Variants in WDR49 observed in about 807,000 individuals in gnomAD.
The protein encoded by WDR49 is WD repeat domain 49.
Under a neutral mutation model 119.5 loss-of-function variants are expected in WDR49, and 107 were observed. The observed-to-expected ratio is 0.90, with a 90% CI of 0.77 to 1.05. WDR49 has a LOEUF of 1.05. Among genes scored for constraint, WDR49 ranks in the 50% least tolerant of loss-of-function variants. WDR49 has a pLI of 0.00. For missense variants in WDR49, 1,240 were observed against 1,220.5 expected (o/e 1.02, Z -0.24); for synonymous variants, 425 against 418.8 (o/e 1.01, Z -0.18).
At chr3:167,545,724 G>A (rs1712148971) in intron 10 of WDR49, among the ~76,000 whole-genome samples, 1 of 150,132 alleles carries the variant, frequency 6.7e-6, no homozygotes, top group African/African-American at 2.4e-5. Flanking sequence ...AAGGGTGGAA[G>A]GGGAGTGAGG....
At chr3:167,508,593 C>T (rs910761655) in intron 16 of WDR49, among the ~76,000 whole-genome samples, 1 of 152,140 alleles carries the variant, frequency 6.6e-6, no homozygotes, top group Non-Finnish European at 1.5e-5. Flanking sequence ...GGAGTTCTAA[C>T]ACCCCCCTAC....
At chr3:167,544,383 C>A (rs1393894062) in intron 10 of WDR49, among the ~76,000 whole-genome samples, 1 of 152,116 alleles carries the variant, frequency 6.6e-6, no homozygotes, top group Middle Eastern at 3.4e-3. Context: ...AAGAACAAAT[C>A]TGGAAGCATC....
chr3:167,595,547 C>A (rs539429370), intron 7 of WDR49, among the ~76,000 whole-genome samples: 18 of 152,102 alleles, frequency 1.2e-4, no homozygotes, highest in Non-Finnish European at 2.2e-4. Flanking sequence ...CAGAACAAAG[C>A]CCTCAGAAAT....
intron 8 of WDR49, among the ~76,000 whole-genome samples, chr3:167,561,245 C>T (rs1373500815): frequency 1.3e-5 from 2 of 152,132 alleles, no homozygotes; most frequent in Non-Finnish European, 2.9e-5. Context: ...TCTACAGCCA[C>T]TTGCATAACA....
intron 12 of WDR49, among the ~76,000 whole-genome samples, chr3:167,532,470 T>C (rs926852884): frequency 6.6e-6 from 1 of 152,156 alleles, no homozygotes; most frequent in Non-Finnish European, 1.5e-5. Flanking sequence ...CCAGGTGGCA[T>C]AATATTTATT....
At chr3:167,608,078 A>G (rs1277872273) in intron 5 of WDR49, among the ~76,000 whole-genome samples, 1 of 152,192 alleles carries the variant, frequency 6.6e-6, no homozygotes, top group Non-Finnish European at 1.5e-5. Context: ...ATAAAGTCCC[A>G]TGATTACCTG....
chr3:167,537,099 A>G (rs1711515336), intron 10 of WDR49, 99 bp from the exon 11 acceptor site: 2 of 1,239,960 alleles, frequency 1.6e-6, no homozygotes, highest in Admixed American at 3.2e-5. Context: ...GACTTTTAAA[A>G]GACTATGCTG....
intron 10 of WDR49, among the ~76,000 whole-genome samples, chr3:167,541,132 G>A (rs1711793600): frequency 6.6e-6 from 1 of 152,082 alleles, no homozygotes; most frequent in Admixed American, 6.6e-5. Context: ...TTCCTTAGAA[G>A]GAATAATTGA....
At chr3:167,536,056 C>G (rs1210579256) in intron 11 of WDR49, among the ~76,000 whole-genome samples, 1 of 151,870 alleles carries the variant, frequency 6.6e-6, no homozygotes, top group Non-Finnish European at 1.5e-5. Flanking sequence ...CAGAGTAGAA[C>G]AGTGGATACC....
intron 3 of WDR49, among the ~76,000 whole-genome samples, chr3:167,625,176 T>A (rs1717075730): frequency 6.6e-6 from 1 of 152,018 alleles, no homozygotes; most frequent in African/African-American, 2.4e-5. Flanking sequence ...AATGCTGATT[T>A]TAGGTCTGGC....
chr3:167,514,149 A>C (rs183780293), intron 16 of WDR49, among the ~76,000 whole-genome samples: 1 of 152,334 alleles, frequency 6.6e-6, no homozygotes, highest in East Asian at 1.9e-4. Context: ...AAAACAACAG[A>C]ATATACTTTC....
Position 167,598,782 on chromosome 3 carries a change from G to A in WDR49, c.1275+3345C>T, listed in dbSNP as rs376383371. ...AAAGGAATTGAGTGTTGTGATATAG[G>A]TGTATCTTCATTAGGGGGCACCCCA... On this transcript the variant is annotated intron_variant, in intron 7 of 18. Coordinates refer to ENST00000682715, the MANE Select transcript of WDR49 (RefSeq NM_001366157.1). Among the ~76,000 whole-genome samples the A allele has an allele frequency of 4.6e-5, 7 of 152,324 alleles. 1 individual carries two copies. Among genetic ancestry groups the A allele is most frequent in the Admixed American group, 2.6e-4 (4 of 15,298 alleles).
At position 167,620,453 on chromosome 3, in the gene WDR49, GA is replaced by G. The variant is rs1716813282; in HGVS notation, c.933del (p.His312IlefsTer15). On this transcript the variant is annotated frameshift_variant, in exon 5 of 19. Transcript: ENST00000682715. LOFTEE classifies it high-confidence loss of function. Reference protein sequence around the residue: ...HKCCHILEHKLHQGDWVRQVT... With the variant: ...HKCCHILEHKXHQGDWVRQVT... Reference sequence around the variant, plus strand: ...CCTTGCCTGACCCAATCTCCTTGATGAAGTTTATGCTCTAATATATGGCAAC... The same window carrying G: ...CCTTGCCTGACCCAATCTCCTTGATGAGTTTATGCTCTAATATATGGCAAC... 6.5e-7 allele frequency: 1 copy of G among 1,535,552 alleles called. No homozygotes were observed.
At chr3:167,517,587 A>G (rs1286888626) in intron 16 of WDR49, among the ~76,000 whole-genome samples, 1 of 152,132 alleles carries the variant, frequency 6.6e-6, no homozygotes, top group African/African-American at 2.4e-5. Flanking sequence ...AATCTAGGCA[A>G]TGTGATTCAG....
At chr3:167,631,324 AAAG>A (rs769169059) in intron 2 of WDR49, among the ~76,000 whole-genome samples, 6 of 152,124 alleles carry the variant, frequency 3.9e-5, no homozygotes, top group Non-Finnish European at 8.8e-5. Context: ...ATAATTTAAA[AAAG>A]AGATGTCAAA....
At chr3:167,560,358 T>A in intron 8 of WDR49, 130 bp from the exon 9 acceptor site, 1 of 920,256 alleles carries the variant, frequency 1.1e-6, no homozygotes, top group African/African-American at 1.7e-5. Context: ...ATTTTTGTAA[T>A]GGACTTTCTT....
At chr3:167,498,202 C>T (rs145940340) in intron 18 of WDR49, among the ~76,000 whole-genome samples, 3 of 152,260 alleles carry the variant, frequency 2.0e-5, no homozygotes, top group African/African-American at 7.2e-5. Context: ...GACTGAAATC[C>T]TTATCAGACA....
intron 5 of WDR49, among the ~76,000 whole-genome samples, chr3:167,619,287 C>T (rs1015311841): frequency 6.6e-6 from 1 of 152,010 alleles, no homozygotes; most frequent in Non-Finnish European, 1.5e-5. Context: ...GTTGAAATAC[C>T]TCCATTCTGT....
Position 167,527,819 on chromosome 3 carries a change from C to T in WDR49, c.2604+1G>A. On this transcript the variant is annotated splice_donor_variant, in intron 15 of 18. Transcript: ENST00000682715. LOFTEE classifies it high-confidence loss of function. The stretch of plus-strand genomic sequence containing the variant: ...GAATAATAAAGAAGCAATATTTCTA[C>T]CTGACCAAAGATCCAAACAGGAGCA... The T allele has an allele frequency of 6.2e-7, 1 of 1,611,588 alleles. No individual in the cohort carries two copies. The highest frequency in any genetic ancestry group is 2.2e-5 in the East Asian group (1 of 44,744).
Sources: gnomAD v4.1 joint callset for allele counts (sites outside exome capture counted in the v4.1 genomes callset) on GRCh38, gnomAD v4.1.1 for gene constraint, MANE v1.5 for transcripts, NCBI Gene and HGNC (gene_info 2026-07-23, HGNC 2026-07-21) for gene names.